The following MBP variants were observed in gnomAD, a reference collection of about 807,000 sequenced individuals.
The protein encoded by MBP is myelin basic protein, also known as Golli-MBP.
MBP carries 16 observed loss-of-function variants against 35.8 expected under a neutral mutation model. The ratio of observed to expected loss-of-function variants is 0.45; its 90% confidence interval spans 0.30 to 0.68. The LOEUF (loss-of-function observed/expected upper bound fraction) is 0.68. Among genes scored for constraint, MBP ranks in the 30% least tolerant of loss-of-function variants. The probability of loss-of-function intolerance (pLI) is 0.08; values close to 1 mark genes in which losing one functional copy is unlikely to be tolerated. For missense variants in MBP, 380 were observed against 404.7 expected (o/e 0.94, Z 0.52); for synonymous variants, 143 against 159.6 (o/e 0.90, Z 0.78).
intron 3 of MBP, among the ~76,000 whole-genome samples, chr18:77,059,126 GA>G (rs914869730): frequency 6.6e-6 from 1 of 152,100 alleles, no homozygotes; most frequent in Non-Finnish European, 1.5e-5. Flanking sequence ...TTAAAAGAAA[GA>G]AAAAACCCTA....
At position 77,102,875 on chromosome 18, in the gene MBP, T is replaced by C. The variant is rs1317068062; in HGVS notation, c.51+2336A>G. On this transcript the variant is annotated intron_variant, in intron 2 of 8. Transcript: ENST00000355994. This position sits in a 1 kb window ranked among gnomAD's most constrained non-coding sequence, Gnocchi z 4.4. ...TAATCCTCCTGGTGCAGATACTGTA[T>C]CCAAGCCATGTTCTTAATAAATTAG... is the stretch of plus-strand genomic sequence containing the variant. 1.3e-5 allele frequency among the ~76,000 whole-genome samples: 2 copies of C among 152,326 alleles called. No individual in the cohort carries two copies. Among genetic ancestry groups the C allele is most frequent in the East Asian group, 1.9e-4 (1 of 5,192 alleles).
At chr18:77,077,317 G>C (rs978373940) in intron 2 of MBP, among the ~76,000 whole-genome samples, 7 of 141,612 alleles carry the variant, frequency 4.9e-5, no homozygotes, top group African/African-American at 1.3e-4. Context: ...AGCACTGCAG[G>C]CTGCACTCCA....
At chr18:77,029,195 G>A (rs1252832353) in intron 3 of MBP, among the ~76,000 whole-genome samples, 24 of 139,420 alleles carry the variant, frequency 1.7e-4, no homozygotes, top group Non-Finnish European at 2.4e-4. Flanking sequence ...GATCACTCGC[G>A]GTTAGGAGCT....
At chr18:77,036,445 T>A (rs1341967758) in intron 3 of MBP, among the ~76,000 whole-genome samples, 10 of 123,590 alleles carry the variant, frequency 8.1e-5, no homozygotes, top group East Asian at 2.6e-4. Context: ...TTTGGAGGAC[T>A]GAGCTGAGCA....
Position 76,984,902 on chromosome 18 carries a change from A to G in MBP, c.751-8T>C. On this transcript the variant is annotated splice_polypyrimidine_tract_variant and splice_region_variant and intron_variant, in intron 7 of 8. Transcript: ENST00000355994. ...TCTCTGGCCTTCGGCCCCCTGCAAG[A>G]GAAGACCACGGAGCTCAACCTCCAC... The G allele has an allele frequency of 6.2e-7, 1 of 1,612,768 alleles. No homozygotes were observed. The highest frequency in any genetic ancestry group is 8.5e-7 in the Non-Finnish European group (1 of 1,179,972).
At position 76,979,543 on chromosome 18, in the gene MBP, T is replaced by C; in HGVS notation, c.*884A>G. On this transcript the variant is annotated 3_prime_UTR_variant, in exon 9 of 9. Transcript: ENST00000355994. ...CTAGAGGACTCCTACCCTTCTGCTCTGAGTGCGCAAGTCTTCCTGGACTCT... is the reference window on the plus strand; with the variant it reads ...CTAGAGGACTCCTACCCTTCTGCTCCGAGTGCGCAAGTCTTCCTGGACTCT... The C allele has an allele frequency of 4.7e-6, 1 of 212,466 alleles. No homozygotes were observed. The highest frequency in any genetic ancestry group is 9.5e-6 in the Non-Finnish European group (1 of 105,424). 13.2% of individuals were successfully genotyped at this position (212,466 alleles called of 1,614,324 possible).
intron 3 of MBP, among the ~76,000 whole-genome samples, chr18:77,025,705 C>CTTTTTTTTTT (rs540022394): frequency 0.012 from 1,320 of 108,666 alleles, 106 homozygotes; most frequent in South Asian, 0.073. Flanking sequence ...TATTGAAATA[C>CTTTTTTTTTT]TTTTTTTTTT....
rs149511553 is a variant in MBP at position 77,128,431 on chromosome 18, G to A, written c.-26+4149C>T. Among the ~76,000 whole-genome samples the A allele has an allele frequency of 5.5e-3, 837 of 152,252 alleles. 12 individuals carry two copies. The highest frequency in any genetic ancestry group is 4.5e-3 in the Non-Finnish European group (309 of 68,006). Reference sequence around the variant, plus strand: ...TATAAAGAGTAGCATCAAGGATCCTGTGATGAAACTCTCCTGTCCTCTGAT... The same window carrying A: ...TATAAAGAGTAGCATCAAGGATCCTATGATGAAACTCTCCTGTCCTCTGAT... On this transcript the variant is annotated intron_variant, in intron 1 of 8. Coordinates refer to ENST00000355994, the MANE Select transcript of MBP (RefSeq NM_001025101.2).
rs552847595 is a variant in MBP at position 77,067,207 on chromosome 18, G to GC, written c.52-823dup. ...GCTGAAACCCCGGGGTCTCCTGGAT[G>GC]CCCCCCCGCCCCCTTCTGGGAGGCA... is the stretch of plus-strand genomic sequence containing the variant. On this transcript the variant is annotated intron_variant, in intron 2 of 8. Transcript: ENST00000355994. Among the ~76,000 whole-genome samples the GC allele has an allele frequency of 2.8e-3, 427 of 152,238 alleles. 2 individuals carry two copies. The highest frequency in any genetic ancestry group is 0.01 in the Admixed American group (159 of 15,288).
rs576640710 is a variant in MBP, at chr18:77,015,452, G to A, written c.576+1380C>T. The A allele has an allele frequency of 1.7e-5, 17 of 985,362 alleles. No homozygotes were observed. In the South Asian group the frequency reaches 5.2e-4, roughly 30 times the overall value. 61.0% of individuals were successfully genotyped at this position (985,362 alleles called of 1,614,324 possible). A position where few individuals can be genotyped will look rare whatever the true frequency, so the allele number is the denominator to read the frequency against. The stretch of plus-strand genomic sequence containing the variant: ...CCAGTTGAAATTAGCATTAGAAATC[G>A]GTTAGAACACCAACATTTCAGGGTG... On this transcript the variant is annotated intron_variant, in intron 4 of 8. Transcript: ENST00000355994.
At chr18:76,992,014 G>C (rs1340060479) in intron 4 of MBP, among the ~76,000 whole-genome samples, 1 of 152,162 alleles carries the variant, frequency 6.6e-6, no homozygotes, top group African/African-American at 2.4e-5. Flanking sequence ...GCTGCGTTTC[G>C]CCCAGCACCG....
chr18:77,080,233 C>A (rs989630812), intron 2 of MBP, among the ~76,000 whole-genome samples: 7 of 152,190 alleles, frequency 4.6e-5, no homozygotes, highest in African/African-American at 1.7e-4. Context: ...ACACGGAAAG[C>A]TTTTAGGAGC....
chr18:76,997,328 C>G (rs888484799), intron 4 of MBP, among the ~76,000 whole-genome samples: 3 of 152,222 alleles, frequency 2.0e-5, no homozygotes, highest in Non-Finnish European at 4.4e-5. Context: ...CTGGGAAGCT[C>G]CAGCCCGGGC....
chr18:77,085,492 C>T (rs1250821914), intron 2 of MBP, among the ~76,000 whole-genome samples: 1 of 152,088 alleles, frequency 6.6e-6, no homozygotes. Flanking sequence ...TCTCATGGCC[C>T]TTTTAGGGCT....
At chr18:76,997,725 C>T (rs1167518990) in intron 4 of MBP, among the ~76,000 whole-genome samples, 2 of 151,490 alleles carry the variant, frequency 1.3e-5, no homozygotes, top group Non-Finnish European at 3.0e-5. Flanking sequence ...CTTTGTCCCC[C>T]AGGCTGGAGT....
intron 4 of MBP, chr18:77,005,345 G>C (rs890649342): frequency 6.6e-6 from 1 of 152,228 alleles, no homozygotes; most frequent in Admixed American, 6.5e-5. Flanking sequence ...ATGGCAGCCC[G>C]CCCCCAGGTA....
At chr18:77,005,038 TG>T (rs1970856003) in intron 4 of MBP, 1 of 152,268 alleles carries the variant, frequency 6.6e-6, no homozygotes, top group African/African-American at 2.4e-5. Context: ...GCTCTGGCTC[TG>T]GGCACAGAAG....
intron 3 of MBP, among the ~76,000 whole-genome samples, chr18:77,056,845 T>C (rs1973745726): frequency 6.6e-6 from 1 of 152,122 alleles, no homozygotes; most frequent in South Asian, 2.1e-4. Flanking sequence ...AACTACCAAA[T>C]GACATGGCCT....
rs1165453302 is a variant in MBP at position 77,131,103 on chromosome 18, ACACACACACACACACACC to A, written c.-26+1459_-26+1476del. On this transcript the variant is annotated intron_variant, in intron 1 of 8. Transcript: ENST00000355994. This position sits in a 1 kb window ranked among gnomAD's most constrained non-coding sequence, Gnocchi z 5.5. ...CGCACGCGCACACACACACACACAC[ACACACACACACACACACC>A]CCCTCTGCCGCGGTACCCTTCCCCT... Among the ~76,000 whole-genome samples, 40 of 143,296 alleles carry A rather than the reference ACACACACACACACACACC, an allele frequency of 2.8e-4. No homozygotes were observed. Among genetic ancestry groups the A allele is most frequent in the South Asian group, 7.0e-4 (3 of 4,296 alleles). The allele number at this position is 143,296 out of a possible 152,430, so 94.0% of individuals were successfully genotyped here.
Sources: gnomAD v4.1 joint callset for allele counts (sites outside exome capture counted in the v4.1 genomes callset) on GRCh38, gnomAD v4.1.1 for gene constraint, Gnocchi (gnomAD v3.1) non-coding constraint, MANE v1.5 for transcripts, NCBI Gene and HGNC (gene_info 2026-07-23, HGNC 2026-07-21) for gene names.